PPME1: variants seen among roughly 807,000 people sequenced by gnomAD.
The protein encoded by PPME1 is testicular secretory protein Li 39.
Under a neutral mutation model 56.9 loss-of-function variants are expected in PPME1, and 17 were observed. The observed-to-expected ratio is 0.30, with a 90% confidence interval of 0.20 to 0.45. PPME1 has a LOEUF of 0.45. PPME1 is among the 20% of genes least tolerant of loss of function. The pLI is 1.00. For missense variants in PPME1, 357 were observed against 483.2 expected (o/e 0.74, Z 2.45); for synonymous variants, 122 against 156.2 (o/e 0.78, Z 1.63).
intron 13 of PPME1, chr11:74,252,504 C>T (rs1026717720): frequency 1.1e-5 from 5 of 456,628 alleles, no homozygotes; most frequent in Non-Finnish European, 1.8e-5. Flanking sequence ...CCTCCCTTTC[C>T]GAAGCTGGCA....
chr11:74,237,273 G>GTTTTTTTT, intron 8 of PPME1, among the ~76,000 whole-genome samples: 1 of 134,380 alleles, frequency 7.4e-6, no homozygotes, highest in African/African-American at 3.4e-5. Flanking sequence ...ATGTCTGGTT[G>GTTTTTTTT]TCTTTTTTTT....
chr11:74,187,241 A>G (rs761684708), intron 1 of PPME1, among the ~76,000 whole-genome samples: 1 of 152,144 alleles, frequency 6.6e-6, no homozygotes, highest in Non-Finnish European at 1.5e-5. Flanking sequence ...TTGAATTTCC[A>G]TATGAATTTT....
chr11:74,177,190 G>C (rs1346033633), intron 1 of PPME1, among the ~76,000 whole-genome samples: 1 of 152,134 alleles, frequency 6.6e-6, no homozygotes, highest in Non-Finnish European at 1.5e-5. Flanking sequence ...GCCAGGCTCA[G>C]TGGTCCATGC....
chr11:74,237,668 C>T (rs1166976970), intron 8 of PPME1: 1 of 151,900 alleles, frequency 6.6e-6, no homozygotes, highest in African/African-American at 2.4e-5. Flanking sequence ...CCCTACAATA[C>T]CTCTTTAAGA....
intron 1 of PPME1, among the ~76,000 whole-genome samples, chr11:74,200,357 TTGTGTGTGTGTGTGTGTG>T (rs71919163): frequency 1.5e-4 from 22 of 145,920 alleles, no homozygotes; most frequent in Middle Eastern, 3.5e-3. Context: ...GTCATGTGTT[TTGTGTGTGTGTGTGTGTG>T]TGTGTGTGTG....
intron 1 of PPME1, chr11:74,198,793 A>G (rs999679836): frequency 3.9e-5 from 6 of 151,994 alleles, no homozygotes; most frequent in African/African-American, 1.5e-4. Context: ...ACCAGGCCTG[A>G]CCCTGCTTAG....
chr11:74,211,430 G>A (rs1337575960), intron 3 of PPME1, among the ~76,000 whole-genome samples: 1 of 151,966 alleles, frequency 6.6e-6, no homozygotes, highest in Non-Finnish European at 1.5e-5. Context: ...TTGGTAGAAA[G>A]AATAAAGAAA....
At chr11:74,226,729 AAAT>A (rs1317606852) in intron 5 of PPME1, among the ~76,000 whole-genome samples, 4 of 152,210 alleles carry the variant, frequency 2.6e-5, no homozygotes, top group Non-Finnish European at 5.9e-5. Flanking sequence ...AACATGGACT[AAAT>A]AATAATGTTT....
At chr11:74,197,673 G>A (rs1858023647) in intron 1 of PPME1, among the ~76,000 whole-genome samples, 1 of 152,188 alleles carries the variant, frequency 6.6e-6, no homozygotes, top group South Asian at 2.1e-4. Flanking sequence ...AATGGAAAAT[G>A]AATTCAGGTT....
intron 4 of PPME1, 94 bp from the exon 5 acceptor site, chr11:74,225,111 C>A: frequency 1.2e-6 from 1 of 809,140 alleles, no homozygotes; most frequent in Non-Finnish European, 1.9e-6. Flanking sequence ...AGTCCCTAAT[C>A]CATTGTCCAA....
At chr11:74,192,573 A>G (rs1167145346) in intron 1 of PPME1, among the ~76,000 whole-genome samples, 2 of 152,088 alleles carry the variant, frequency 1.3e-5, no homozygotes, top group Non-Finnish European at 2.9e-5. Flanking sequence ...GCACCCTCCA[A>G]ATCTCGTGTT....
chr11:74,183,882 T>C (rs1857603349), intron 1 of PPME1, among the ~76,000 whole-genome samples: 1 of 152,322 alleles, frequency 6.6e-6, no homozygotes, highest in East Asian at 1.9e-4. Context: ...AGTGAATGAA[T>C]GACACTCAGA....
intron 1 of PPME1, 24 bp from the exon 2 acceptor site, chr11:74,203,704 T>C: frequency 6.3e-7 from 1 of 1,582,176 alleles, no homozygotes; most frequent in Non-Finnish European, 8.6e-7. Flanking sequence ...TTTTCTGAAA[T>C]GTCTCTCTCT....
intron 11 of PPME1, chr11:74,250,679 T>A: frequency 2.6e-6 from 1 of 386,302 alleles, no homozygotes; most frequent in Non-Finnish European, 4.7e-6. Context: ...GGACTGTAAA[T>A]CCCCTGAGGA....
chr11:74,215,246 T>A (rs908005048), intron 3 of PPME1, among the ~76,000 whole-genome samples: 1 of 152,002 alleles, frequency 6.6e-6, no homozygotes, highest in Non-Finnish European at 1.5e-5. Context: ...GAGGCTGATG[T>A]GGGAGGATTG....
intron 1 of PPME1, among the ~76,000 whole-genome samples, chr11:74,179,279 GT>G (rs1857473036): frequency 6.6e-6 from 1 of 152,300 alleles, no homozygotes; most frequent in Non-Finnish European, 1.5e-5. Context: ...TGACGTACTT[GT>G]TTAAATCCAA....
At chr11:74,183,765 C>T (rs1857601365) in intron 1 of PPME1, among the ~76,000 whole-genome samples, 1 of 152,090 alleles carries the variant, frequency 6.6e-6, no homozygotes, top group African/African-American at 2.4e-5. Context: ...ATTCTAGCAA[C>T]AAGATTGTGA....
chr11:74,211,877 A>C (rs1858486078), intron 3 of PPME1, among the ~76,000 whole-genome samples: 1 of 152,252 alleles, frequency 6.6e-6, no homozygotes, highest in South Asian at 2.1e-4. Context: ...GGACTACCTT[A>C]CTATTAATTA....
At chr11:74,186,880 G>C (rs1857697401) in intron 1 of PPME1, among the ~76,000 whole-genome samples, 1 of 152,098 alleles carries the variant, frequency 6.6e-6, no homozygotes, top group Non-Finnish European at 1.5e-5. Flanking sequence ...TCTAGTTTTG[G>C]CTCATACATG....
Sources: allele counts gnomAD v4.1 joint callset (sites outside exome capture counted in the v4.1 genomes callset), GRCh38; gene constraint gnomAD v4.1.1; transcripts MANE v1.5; gene names NCBI Gene and HGNC (gene_info 2026-07-23, HGNC 2026-07-21).